CGGBP1: variants seen among roughly 807,000 people sequenced by gnomAD.
The protein encoded by CGGBP1 is CGG triplet repeat binding protein 1.
A neutral mutation model predicts 11.4 loss-of-function variants in CGGBP1; 4 were observed. That is an observed-to-expected ratio of 0.35 (90% CI 0.17 to 0.80). The LOEUF is 0.80. CGGBP1 is among the 30% of genes least tolerant of loss of function. The pLI, the probability that CGGBP1 is intolerant of heterozygous loss-of-function variation, is 0.52. For missense variants in CGGBP1, 135 were observed against 202.1 expected (o/e 0.67, Z 2.01); for synonymous variants, 76 against 74.1 (o/e 1.03, Z -0.13).
intron 2 of CGGBP1, among the ~76,000 whole-genome samples, chr3:88,107,626 C>T (rs1014723720): frequency 6.6e-6 from 1 of 152,060 alleles, no homozygotes; most frequent in African/African-American, 2.4e-5. Context: ...ATGTATACTC[C>T]ACCTCTGTGT....
chr3:88,112,589 A>T (rs557358500), intron 2 of CGGBP1, among the ~76,000 whole-genome samples: 1 of 152,128 alleles, frequency 6.6e-6, no homozygotes, highest in South Asian at 2.1e-4. Context: ...TAGTGTGAGG[A>T]ACCATGTGTC....
At chr3:88,108,372 A>G (rs903882473) in intron 2 of CGGBP1, among the ~76,000 whole-genome samples, 13 of 152,134 alleles carry the variant, frequency 8.5e-5, no homozygotes, top group African/African-American at 3.1e-4. Flanking sequence ...CATTAAAGGT[A>G]CCTAGTGACT....
At chr3:88,093,990 T>C in intron 2 of CGGBP1, among the ~76,000 whole-genome samples, 1 of 152,308 alleles carries the variant, frequency 6.6e-6, no homozygotes. Flanking sequence ...TAACCAATTT[T>C]GTATCTATTG....
chr3:88,106,451 C>T (rs1312101160), intron 2 of CGGBP1, among the ~76,000 whole-genome samples: 1 of 152,058 alleles, frequency 6.6e-6, no homozygotes, highest in Admixed American at 6.6e-5. Flanking sequence ...AGTTCTCCTG[C>T]CTCAGCCTCA....
chr3:88,065,770 G>C (rs1006798556), intron 2 of CGGBP1, among the ~76,000 whole-genome samples: 11 of 152,040 alleles, frequency 7.2e-5, no homozygotes, highest in Admixed American at 5.9e-4. Flanking sequence ...GTGTCGCTCA[G>C]GCTGGAGTGC....
intron 1 of CGGBP1, chr3:88,142,015 G>A (rs1707157769): frequency 3.1e-5 from 3 of 97,600 alleles, no homozygotes; most frequent in South Asian, 7.3e-4. Context: ...ATTAAAAAGT[G>A]TGTGTGGGGA....
Position 88,141,070 on chromosome 3 carries a change from T to C in CGGBP1, c.-329A>G, listed in dbSNP as rs1184685703. Reference sequence around the variant, plus strand: ...GAAAGTAAGTCTTCTGTCTTCTTAGTAGAGGTATCTGTAGAAAGAGAAAAT... The same window carrying C: ...GAAAGTAAGTCTTCTGTCTTCTTAGCAGAGGTATCTGTAGAAAGAGAAAAT... On this transcript the variant is annotated 5_prime_UTR_variant, in exon 2 of 4. Transcript: ENST00000462901. The C allele has an allele frequency of 5.1e-6, 8 of 1,553,640 alleles. No individual in the cohort carries two copies. In the Admixed American group the frequency reaches 1.6e-4, roughly 32 times the overall value.
intron 2 of CGGBP1, among the ~76,000 whole-genome samples, chr3:88,093,619 G>A (rs1446858453): frequency 6.6e-6 from 1 of 152,154 alleles, no homozygotes; most frequent in African/African-American, 2.4e-5. Context: ...ATTTTGAGTG[G>A]CTAGATATTC....
At chr3:88,056,765 T>C (rs945093591) in intron 3 of CGGBP1, 1 of 152,154 alleles carries the variant, frequency 6.6e-6, no homozygotes, top group African/African-American at 2.4e-5. Context: ...ATCAAGAACA[T>C]AGAGTCTAGT....
intron 2 of CGGBP1, among the ~76,000 whole-genome samples, chr3:88,083,046 C>T (rs543117355): frequency 6.6e-6 from 1 of 151,810 alleles, no homozygotes; most frequent in Non-Finnish European, 1.5e-5. Context: ...CTCCTCACTC[C>T]TCCTCCCTCT....
upstream of CGGBP1, chr3:88,059,549 G>A: frequency 6.9e-7 from 1 of 1,450,678 alleles, no homozygotes; most frequent in Non-Finnish European, 9.0e-7. Flanking sequence ...CCGGGTCCTG[G>A]GCCTCTCTGC....
chr3:88,126,041 C>T (rs1706080497), intron 2 of CGGBP1: 1 of 1,233,000 alleles, frequency 8.1e-7, no homozygotes, highest in Non-Finnish European at 1.1e-6. Flanking sequence ...ATAGCTGCCT[C>T]ACTGGCCATC....
chr3:88,092,507 G>A (rs1009154935), intron 2 of CGGBP1, among the ~76,000 whole-genome samples: 1 of 152,130 alleles, frequency 6.6e-6, no homozygotes, highest in African/African-American at 2.4e-5. Flanking sequence ...TACTCTGAAG[G>A]AATGACAGGA....
intron 2 of CGGBP1, among the ~76,000 whole-genome samples, chr3:88,072,495 C>A (rs753353854): frequency 6.6e-6 from 1 of 152,112 alleles, no homozygotes; most frequent in Non-Finnish European, 1.5e-5. Context: ...GTGTCTTTGC[C>A]ACTCCTTGTA....
intron 1 of CGGBP1, chr3:88,143,179 C>T (rs1457454749): frequency 6.6e-6 from 1 of 152,086 alleles, no homozygotes; most frequent in Non-Finnish European, 1.5e-5. Flanking sequence ...CAGGTAGCAT[C>T]CATATTTTAT....
intron 2 of CGGBP1, among the ~76,000 whole-genome samples, chr3:88,116,559 T>TACACAC (rs140401038): frequency 0.022 from 3,262 of 146,632 alleles, 58 homozygotes; most frequent in Middle Eastern, 0.035. Context: ...CATACATATA[T>TACACAC]ATACACACAC....
At chr3:88,095,888 A>C in intron 2 of CGGBP1, 2 of 432,104 alleles carry the variant, frequency 4.6e-6, no homozygotes, top group Non-Finnish European at 4.4e-6. Flanking sequence ...ACTTAACCAC[A>C]TGCCTGTCTA....
chr3:88,127,676 C>T (rs1326136107), intron 2 of CGGBP1, among the ~76,000 whole-genome samples: 1 of 152,098 alleles, frequency 6.6e-6, no homozygotes, highest in African/African-American at 2.4e-5. Flanking sequence ...AGGCTTCACT[C>T]GTAGGATCTA....
chr3:88,088,439 C>T (rs1232784470), intron 2 of CGGBP1, among the ~76,000 whole-genome samples: 1 of 151,792 alleles, frequency 6.6e-6, no homozygotes, highest in Non-Finnish European at 1.5e-5. Flanking sequence ...TGAGAAGTTA[C>T]GTACAACATT....
Sources: allele counts gnomAD v4.1 joint callset (sites outside exome capture counted in the v4.1 genomes callset), GRCh38; gene constraint gnomAD v4.1.1; transcripts MANE v1.5; gene names NCBI Gene and HGNC (gene_info 2026-07-23, HGNC 2026-07-21).